The following SHCBP1L variants were observed in gnomAD, a reference collection of about 807,000 sequenced individuals.
SHCBP1L encodes the protein SHC binding and spindle associated 1 like.
A neutral mutation model predicts 62.5 loss-of-function variants in SHCBP1L; 67 were observed. The observed-to-expected ratio is 1.07, with a 90% CI of 0.88 to 1.31. SHCBP1L has a LOEUF of 1.31. SHCBP1L is among the 40% of genes most tolerant of loss of function. The probability of loss-of-function intolerance (pLI) is 0.00; values close to 1 mark genes in which losing one functional copy is unlikely to be tolerated. For synonymous variants in SHCBP1L, 284 were observed against 289.4 expected, an observed-to-expected ratio of 0.98 and a Z score of 0.19; for missense variants, 823 against 809.8, an observed-to-expected ratio of 1.02 and a Z score of -0.20.
At chr1:182,933,928 T>C (rs114021436) in intron 5 of SHCBP1L, among the ~76,000 whole-genome samples, 1,821 of 152,302 alleles carry the variant, frequency 0.012, 32 homozygotes, top group African/African-American at 0.037. Flanking sequence ...TAAATGTGTG[T>C]CACAATTCAC....
chr1:182,933,605 G>GT (rs1446764478), intron 5 of SHCBP1L, among the ~76,000 whole-genome samples: 1 of 151,864 alleles, frequency 6.6e-6, no homozygotes, highest in African/African-American at 2.4e-5. Context: ...TGTGTGTCTT[G>GT]TTTTTTTATT....
chr1:182,918,284 AT>A lies in SHCBP1L; in HGVS notation c.1182+11362del, dbSNP rs34231196. On this transcript the variant is annotated intron_variant, in intron 6 of 9. Coordinates refer to ENST00000367547, the MANE Select transcript of SHCBP1L (RefSeq NM_030933.4). ...TCTCCAAGGAATGCACCAAAAACAT[AT>A]GATAGCTAATAAACAAATTCAGCAA... Among the ~76,000 whole-genome samples the A allele has an allele frequency of 5.4e-3, 821 of 150,728 alleles. 18 individuals carry two copies. Among genetic ancestry groups the A allele is most frequent in the Admixed American group, 0.047 (708 of 15,076 alleles).
chr1:182,918,047 T>C (rs966869188), intron 6 of SHCBP1L, among the ~76,000 whole-genome samples: 6 of 150,814 alleles, frequency 4.0e-5, no homozygotes, highest in African/African-American at 1.5e-4. Flanking sequence ...CATGACCCTA[T>C]ATATACTCTC....
At chr1:182,925,440 T>C (rs1228109951) in intron 6 of SHCBP1L, among the ~76,000 whole-genome samples, 1 of 152,182 alleles carries the variant, frequency 6.6e-6, no homozygotes, top group Non-Finnish European at 1.5e-5. Context: ...ATGTTCAGCA[T>C]CTTCAACATC....
At chr1:182,947,801 C>T (rs576430418) in intron 2 of SHCBP1L, among the ~76,000 whole-genome samples, 1 of 152,250 alleles carries the variant, frequency 6.6e-6, no homozygotes, top group African/African-American at 2.4e-5. Flanking sequence ...ACCTCAGCCT[C>T]CCATGTAGAG....
intron 5 of SHCBP1L, among the ~76,000 whole-genome samples, chr1:182,933,986 T>C (rs1033088358): frequency 2.0e-5 from 3 of 152,168 alleles, no homozygotes; most frequent in Admixed American, 6.5e-5. Flanking sequence ...TAGTTTTTCA[T>C]TTGCTAATTC....
intron 2 of SHCBP1L, among the ~76,000 whole-genome samples, chr1:182,945,165 T>C (rs1651520032): frequency 6.6e-6 from 1 of 152,040 alleles, no homozygotes; most frequent in Non-Finnish European, 1.5e-5. Context: ...GGTTTCACCA[T>C]GTTAGCCAGG....
At chr1:182,939,102 C>T (rs1651268633) in intron 5 of SHCBP1L, 74 bp downstream of exon 5, 2 of 1,203,704 alleles carry the variant, frequency 1.7e-6, no homozygotes, top group Admixed American at 2.2e-5. Flanking sequence ...GAACATATAC[C>T]ACAAATTAAG....
chr1:182,945,355 T>C (rs1052284016), intron 2 of SHCBP1L, among the ~76,000 whole-genome samples: 3 of 152,240 alleles, frequency 2.0e-5, no homozygotes, highest in African/African-American at 4.8e-5. Context: ...AGCCAATAGA[T>C]TGTGTTTGAA....
chr1:182,951,364 AC>A lies in SHCBP1L; in HGVS notation c.508del (p.Val170Ter), dbSNP rs751329739. 3 of 1,600,940 alleles carry A rather than the reference AC, an allele frequency of 1.9e-6. No homozygotes were observed. The highest frequency in any genetic ancestry group is 2.6e-6 in the Non-Finnish European group (3 of 1,174,788). ...AGGGATAGAAGCTTCTTCATATTTC[AC>A]AAAGAATACACTGGGATTAGTCTTC... is the stretch of plus-strand genomic sequence containing the variant. ...VWKTNPSVFF[V>X]KYEEASIPFV... On this transcript the variant is annotated frameshift_variant, in exon 2 of 10. Coordinates refer to ENST00000367547, the MANE Select transcript of SHCBP1L (RefSeq NM_030933.4). LOFTEE classifies it high-confidence loss of function.
chr1:182,920,059 C>A (rs537708079), intron 6 of SHCBP1L, among the ~76,000 whole-genome samples: 3 of 152,272 alleles, frequency 2.0e-5, no homozygotes, highest in African/African-American at 7.2e-5. Context: ...GGCACCCTGC[C>A]CCTGCTGATA....
chr1:182,952,458 T>C (rs1044928103), intron 1 of SHCBP1L: 1 of 415,596 alleles, frequency 2.4e-6, no homozygotes, highest in Admixed American at 4.4e-5. Context: ...TATCTTCATT[T>C]TTTAGGAGCT....
rs1465169316 is a variant in SHCBP1L at position 182,924,760 on chromosome 1, GAA to G, written c.1182+4885_1182+4886del. Among the ~76,000 whole-genome samples the G allele has an allele frequency of 3.3e-4, 29 of 88,580 alleles. 3 individuals carry two copies. Among genetic ancestry groups the G allele is most frequent in the East Asian group, 3.2e-3 (9 of 2,838 alleles). 58.1% of individuals were successfully genotyped at this position (88,580 alleles called of 152,430 possible). On this transcript the variant is annotated intron_variant, in intron 6 of 9. Transcript: ENST00000367547. Reference sequence around the variant, plus strand: ...AGAAAGAAAGAAAGAAAGAAAGAAAGAAAGAAAGAAAGAAAGAAAGAAAGAAA... The same window carrying G: ...AGAAAGAAAGAAAGAAAGAAAGAAAGAGAAAGAAAGAAAGAAAGAAAGAAA...
chr1:182,934,912 G>T (rs781243573), intron 5 of SHCBP1L, among the ~76,000 whole-genome samples: 4 of 152,084 alleles, frequency 2.6e-5, no homozygotes, highest in Non-Finnish European at 5.9e-5. Context: ...TTGTTGAAGA[G>T]AATATCCTTT....
intron 6 of SHCBP1L, among the ~76,000 whole-genome samples, chr1:182,907,127 C>T (rs1650038191): frequency 6.6e-6 from 1 of 151,774 alleles, no homozygotes; most frequent in Admixed American, 6.6e-5. Context: ...GTGTGAAGGA[C>T]TTTTAATATA....
At position 182,903,126 on chromosome 1, in the gene SHCBP1L, A is replaced by G; in HGVS notation, c.1623T>C (p.Ala541=). Reference sequence around the variant, plus strand: ...GATGAATTTCATTTCTTTCCAAAATAGCTATGCTTCCAGGATACAGTTCAA... The same window carrying G: ...GATGAATTTCATTTCTTTCCAAAATGGCTATGCTTCCAGGATACAGTTCAA... The part of the protein sequence containing the change: ...AGVELYPGSI[A]ILERNEIHHC... The change falls in exon 9 of 10, where the codon GCT becomes GCC. Residue 541 remains alanine (A), a synonymous_variant. Transcript: ENST00000367547. The G allele has an allele frequency of 6.2e-7, 1 of 1,601,754 alleles. No homozygotes were observed. The highest frequency in any genetic ancestry group is 8.5e-7 in the Non-Finnish European group (1 of 1,173,646).
At chr1:182,905,219 G>T (rs1285254865) in intron 7 of SHCBP1L, among the ~76,000 whole-genome samples, 1 of 152,152 alleles carries the variant, frequency 6.6e-6, no homozygotes, top group African/African-American at 2.4e-5. Context: ...AGAAAATGAT[G>T]AGCATATTTT....
chr1:182,946,575 G>T (rs1030989545), intron 2 of SHCBP1L, among the ~76,000 whole-genome samples: 4 of 152,124 alleles, frequency 2.6e-5, no homozygotes, highest in African/African-American at 9.7e-5. Context: ...CCCAATGGGA[G>T]TACTCCCACC....
At chr1:182,944,824 A>T (rs1651498822) in intron 2 of SHCBP1L, among the ~76,000 whole-genome samples, 1 of 152,078 alleles carries the variant, frequency 6.6e-6, no homozygotes, top group South Asian at 2.1e-4. Flanking sequence ...CATTTATCTT[A>T]ATATGTTTGA....
Sources: gnomAD v4.1 joint callset for allele counts (sites outside exome capture counted in the v4.1 genomes callset) on GRCh38, gnomAD v4.1.1 for gene constraint, MANE v1.5 for transcripts, NCBI Gene and HGNC (gene_info 2026-07-23, HGNC 2026-07-21) for gene names.